Variants in ATF7IP observed in about 807,000 individuals in gnomAD.
ATF7IP encodes activating transcription factor 7-interacting protein 1.
Under a neutral mutation model 106.4 loss-of-function variants are expected in ATF7IP, and 23 were observed. The ratio of observed to expected loss-of-function variants is 0.22; its 90% CI spans 0.16 to 0.31. The LOEUF (loss-of-function observed/expected upper bound fraction) is 0.31. Among genes scored for constraint, ATF7IP ranks in the 10% least tolerant of loss-of-function variants. The probability of loss-of-function intolerance (pLI) is 1.00; values close to 1 mark genes in which losing one functional copy is unlikely to be tolerated. For synonymous variants in ATF7IP, 542 were observed against 539.0 expected (o/e 1.01, Z -0.08); for missense variants, 1,334 against 1,524.3 (o/e 0.88, Z 2.08).
At chr12:14,410,039 C>T (rs1264053639) in intron 1 of ATF7IP, among the ~76,000 whole-genome samples, 3 of 151,892 alleles carry the variant, frequency 2.0e-5, no homozygotes, top group Non-Finnish European at 2.9e-5. Flanking sequence ...TTTATATTAC[C>T]CTATAAAGAA....
chr12:14,405,403 C>CTTTTTTTTTTTTT (rs145211652), intron 1 of ATF7IP, among the ~76,000 whole-genome samples: 2 of 83,558 alleles, frequency 2.4e-5, no homozygotes, highest in Non-Finnish European at 4.4e-5. Context: ...TTTCTTTCAT[C>CTTTTTTTTTTTTT]TTTTTTTTTT....
Position 14,495,132 on chromosome 12 carries a change from A to G in ATF7IP, c.3281-1099A>G, listed in dbSNP as rs560100499. ...CTTTTCACGTTTTTCTGCCTGCTTT[A>G]TATTTTCTGGCAGCTGATTAGATTG... On this transcript the variant is annotated intron_variant, in intron 13 of 14. Transcript: ENST00000261168. Among the ~76,000 whole-genome samples the G allele has an allele frequency of 3.9e-5, 6 of 152,138 alleles. No homozygotes were observed. In the South Asian group the frequency reaches 1.2e-3, roughly 32 times the overall value.
intron 1 of ATF7IP, among the ~76,000 whole-genome samples, chr12:14,413,614 TATTG>T (rs900859045): frequency 4.6e-5 from 7 of 152,280 alleles, no homozygotes; most frequent in African/African-American, 1.7e-4. Flanking sequence ...GTAATATAAT[TATTG>T]ATTTATTAAT....
At chr12:14,476,062 A>G in intron 11 of ATF7IP, 94 bp downstream of exon 11, 1 of 907,840 alleles carries the variant, frequency 1.1e-6, no homozygotes, top group South Asian at 1.5e-5. Flanking sequence ...TGTTTATGGC[A>G]TTATGCTTGG....
intron 13 of ATF7IP, 184 bp downstream of exon 13, chr12:14,481,369 T>A: frequency 1.6e-6 from 1 of 618,546 alleles, no homozygotes; most frequent in Non-Finnish European, 2.8e-6. Flanking sequence ...AAAATCAATG[T>A]AGTATATTCT....
intron 11 of ATF7IP, chr12:14,476,228 G>A (rs1258441239): frequency 9.2e-5 from 28 of 303,576 alleles, no homozygotes; most frequent in Non-Finnish European, 1.7e-4. Context: ...CCCGGGCAAT[G>A]CGGTGAAACC....
At chr12:14,429,656 G>C (rs906560048) in intron 2 of ATF7IP, among the ~76,000 whole-genome samples, 11 of 152,108 alleles carry the variant, frequency 7.2e-5, no homozygotes, top group African/African-American at 2.4e-4. Context: ...TTTGCTGTAG[G>C]TTAGTATTGA....
At chr12:14,495,233 C>T (rs1440133489) in intron 13 of ATF7IP, among the ~76,000 whole-genome samples, 2 of 152,224 alleles carry the variant, frequency 1.3e-5, no homozygotes, top group Non-Finnish European at 2.9e-5. Flanking sequence ...GCAACATCCT[C>T]ACAGGCCCAC....
intron 1 of ATF7IP, among the ~76,000 whole-genome samples, chr12:14,401,125 T>C (rs1402129128): frequency 6.6e-6 from 1 of 152,238 alleles, no homozygotes; most frequent in Non-Finnish European, 1.5e-5. Flanking sequence ...TTTGCTATTA[T>C]GCTTAACTGC....
At chr12:14,376,230 A>G (rs1453001157) in intron 1 of ATF7IP, among the ~76,000 whole-genome samples, 3 of 152,202 alleles carry the variant, frequency 2.0e-5, no homozygotes, top group African/African-American at 7.2e-5. Flanking sequence ...CTAATTCCAC[A>G]TAGGATTCCT....
At chr12:14,496,096 A>G in intron 13 of ATF7IP, 135 bp from the exon 14 acceptor site, 1 of 611,046 alleles carries the variant, frequency 1.6e-6, no homozygotes, top group Non-Finnish European at 2.9e-6. Context: ...TACGAACAGG[A>G]CCTCTAGGTT....
chr12:14,412,868 G>A lies in ATF7IP; in HGVS notation c.-7-11041G>A, dbSNP rs1315603933. 5.9e-5 allele frequency among the ~76,000 whole-genome samples: 9 copies of A among 152,182 alleles called. No individual in the cohort carries two copies. In the South Asian group the frequency reaches 1.7e-3, roughly 28 times the overall value. On this transcript the variant is annotated intron_variant, in intron 1 of 14. Coordinates refer to ENST00000261168, the MANE Select transcript of ATF7IP (RefSeq NM_018179.5). The stretch of plus-strand genomic sequence containing the variant: ...GTCTCTACTAAAAATACAAAAATTA[G>A]CCAGGCTTGGTGGTTCACACCTGTA...
intron 13 of ATF7IP, among the ~76,000 whole-genome samples, chr12:14,485,092 C>T (rs1456075208): frequency 1.3e-5 from 2 of 152,058 alleles, no homozygotes; most frequent in Non-Finnish European, 1.5e-5. Context: ...CACAGCATCC[C>T]TCTCTGCCCC....
Position 14,500,994 on chromosome 12 carries a change from TG to T in ATF7IP, c.*2923del, listed in dbSNP as rs1408694877. 1.3e-5 allele frequency: 2 copies of T among 152,306 alleles called. No individual in the cohort carries two copies. Among genetic ancestry groups the T allele is most frequent in the Non-Finnish European group, 2.9e-5 (2 of 68,002 alleles). 9.4% of individuals were successfully genotyped at this position (152,306 alleles called of 1,614,324 possible). A position where few individuals can be genotyped will look rare whatever the true frequency, so the allele number is the denominator to read the frequency against. Reference sequence around the variant, plus strand: ...ATGGTGTCCTCAAATTAGCCTACCATGGCACGTAGGGGCAGCAGCTATATTA... The same window carrying T: ...ATGGTGTCCTCAAATTAGCCTACCATGCACGTAGGGGCAGCAGCTATATTA... On this transcript the variant is annotated 3_prime_UTR_variant, in exon 15 of 15. Transcript: ENST00000261168.
At chr12:14,494,331 A>ATGTGTGTGTG (rs1207326378) in intron 13 of ATF7IP, among the ~76,000 whole-genome samples, 8 of 90,612 alleles carry the variant, frequency 8.8e-5, no homozygotes, top group African/African-American at 1.8e-4. Flanking sequence ...ATATATATAT[A>ATGTGTGTGTG]TATGTGTGTG....
chr12:14,416,327 C>T (rs1941204930), intron 1 of ATF7IP, among the ~76,000 whole-genome samples: 1 of 151,990 alleles, frequency 6.6e-6, no homozygotes, highest in African/African-American at 2.4e-5. Context: ...AAATTATTTT[C>T]AGTAGAAAAA....
intron 1 of ATF7IP, among the ~76,000 whole-genome samples, chr12:14,371,600 G>A (rs576945770): frequency 6.6e-6 from 1 of 152,096 alleles, no homozygotes; most frequent in African/African-American, 2.4e-5. Context: ...TAGTAAAGGA[G>A]GGTTATATTT....
At chr12:14,406,150 G>T (rs1940568501) in intron 1 of ATF7IP, among the ~76,000 whole-genome samples, 1 of 152,102 alleles carries the variant, frequency 6.6e-6, no homozygotes, top group Non-Finnish European at 1.5e-5. Flanking sequence ...CCCAGGTGGA[G>T]TGCAGTGGCG....
chr12:14,455,716 G>A (rs191591072), intron 6 of ATF7IP, among the ~76,000 whole-genome samples: 1 of 151,854 alleles, frequency 6.6e-6, no homozygotes, highest in African/African-American at 2.4e-5. Context: ...TCCCAAGAAG[G>A]TGGGACCACA....
Sources: gnomAD v4.1 joint callset for allele counts (sites outside exome capture counted in the v4.1 genomes callset) on GRCh38, gnomAD v4.1.1 for gene constraint, MANE v1.5 for transcripts, NCBI Gene and HGNC (gene_info 2026-07-23, HGNC 2026-07-21) for gene names.